The following DENND1A variants were observed in gnomAD, a reference collection of about 807,000 sequenced individuals.
The protein encoded by DENND1A is DENN domain-containing protein 1A.
A neutral mutation model predicts 113.7 loss-of-function variants in DENND1A; 51 were observed. The observed-to-expected ratio is 0.45, with a 90% CI of 0.36 to 0.57. DENND1A has a LOEUF of 0.57. DENND1A is among the 20% of genes least tolerant of loss of function. The pLI is 0.00. For synonymous variants in DENND1A, 565 were observed against 570.8 expected, an observed-to-expected ratio of 0.99 and a Z score of 0.14; for missense variants, 1,258 against 1,395.9, an observed-to-expected ratio of 0.90 and a Z score of 1.57.
chr9:123,651,704 C>G (rs910677485), intron 9 of DENND1A, among the ~76,000 whole-genome samples: 1 of 152,178 alleles, frequency 6.6e-6, no homozygotes. Context: ...AATAATGACA[C>G]ACCCGTATCA....
At chr9:123,530,962 T>A (rs1018301149) in intron 13 of DENND1A, among the ~76,000 whole-genome samples, 1 of 152,332 alleles carries the variant, frequency 6.6e-6, no homozygotes, top group Admixed American at 6.5e-5. Flanking sequence ...ATTTTTATGG[T>A]TGACCTTGAT....
At chr9:123,406,602 G>A (rs1191755542) in intron 20 of DENND1A, among the ~76,000 whole-genome samples, 3 of 152,218 alleles carry the variant, frequency 2.0e-5, no homozygotes, top group Admixed American at 6.5e-5. Flanking sequence ...ATGACGCTGC[G>A]AGTATCATCG....
At chr9:123,455,524 G>A (rs905859884) in intron 15 of DENND1A, among the ~76,000 whole-genome samples, 1 of 152,190 alleles carries the variant, frequency 6.6e-6, no homozygotes, top group African/African-American at 2.4e-5. Context: ...CAGCTCAGAT[G>A]TGATGTCCTC....
intron 5 of DENND1A, among the ~76,000 whole-genome samples, chr9:123,694,543 T>A (rs117878774): frequency 6.6e-6 from 1 of 152,212 alleles, no homozygotes; most frequent in Non-Finnish European, 1.5e-5. Flanking sequence ...TCTGTGCCCA[T>A]TGAATGGCAA....
intron 2 of DENND1A, among the ~76,000 whole-genome samples, chr9:123,839,519 C>G (rs1474553121): frequency 6.6e-6 from 1 of 152,110 alleles, no homozygotes; most frequent in South Asian, 2.1e-4. Context: ...TTACAGTTTC[C>G]GCGACAGACA....
intron 4 of DENND1A, among the ~76,000 whole-genome samples, chr9:123,761,768 C>A (rs1589977570): frequency 6.6e-6 from 1 of 152,156 alleles, no homozygotes; most frequent in African/African-American, 2.4e-5. Flanking sequence ...AAGAGGTTAA[C>A]TTAAAAGGGT....
chr9:123,402,900 C>T (rs868182035), intron 21 of DENND1A, among the ~76,000 whole-genome samples: 1 of 152,188 alleles, frequency 6.6e-6, no homozygotes, highest in Non-Finnish European at 1.5e-5. Context: ...GGGAGCTCCG[C>T]GTCTCAGGGA....
intron 2 of DENND1A, among the ~76,000 whole-genome samples, chr9:123,826,465 A>G (rs1839346997): frequency 6.6e-6 from 1 of 152,148 alleles, no homozygotes; most frequent in South Asian, 2.1e-4. Context: ...AAAGACTCCT[A>G]TAAGCCACCA....
chr9:123,533,100 A>G (rs1035681177), intron 13 of DENND1A, among the ~76,000 whole-genome samples: 3 of 152,210 alleles, frequency 2.0e-5, no homozygotes, highest in Admixed American at 6.5e-5. Flanking sequence ...GGCTTTCTCT[A>G]TCTCTGCTGT....
chr9:123,765,557 A>G (rs918264513), intron 4 of DENND1A, among the ~76,000 whole-genome samples: 1 of 152,168 alleles, frequency 6.6e-6, no homozygotes, highest in Non-Finnish European at 1.5e-5. Flanking sequence ...TGTGTGTGCC[A>G]GTATAATTTA....
Position 123,917,881 on chromosome 9 carries a change from C to T in DENND1A, c.17+12008G>A, listed in dbSNP as rs1211331801. 2.6e-5 allele frequency among the ~76,000 whole-genome samples: 4 copies of T among 152,028 alleles called. No homozygotes were observed. In the East Asian group the frequency reaches 5.8e-4, roughly 22 times the overall value. ...ATCTCAGCGCTTTGGGAGGCCGAGGCAGGCAGATCACAAGGTCAGGAGATC... is the reference window on the plus strand; with the variant it reads ...ATCTCAGCGCTTTGGGAGGCCGAGGTAGGCAGATCACAAGGTCAGGAGATC... On this transcript the variant is annotated intron_variant, in intron 1 of 23. Coordinates refer to ENST00000394215, the MANE Select transcript of DENND1A (RefSeq NM_001352964.2).
intron 13 of DENND1A, among the ~76,000 whole-genome samples, chr9:123,544,652 T>C (rs999028309): frequency 6.6e-6 from 1 of 152,246 alleles, no homozygotes; most frequent in Non-Finnish European, 1.5e-5. Flanking sequence ...GGGCTGTGCA[T>C]GCTCTCCACA....
At position 123,608,404 on chromosome 9, in the gene DENND1A, C is replaced by T. The variant is rs531047932; in HGVS notation, c.765+1032G>A. 3.9e-5 allele frequency among the ~76,000 whole-genome samples: 6 copies of T among 152,268 alleles called. No individual in the cohort carries two copies. The South Asian group carries it at 1.0e-3, about 26-fold the overall frequency. Reference sequence around the variant, plus strand: ...TCCTTCAAGACATGCAAAGCACCACCGCAGACGGACATGGCTGTAGATTTT... The same window carrying T: ...TCCTTCAAGACATGCAAAGCACCACTGCAGACGGACATGGCTGTAGATTTT... On this transcript the variant is annotated intron_variant, in intron 11 of 23. Transcript: ENST00000394215.
At chr9:123,907,365 T>C (rs541321699) in intron 1 of DENND1A, among the ~76,000 whole-genome samples, 165 of 151,864 alleles carry the variant, frequency 1.1e-3, no homozygotes, top group African/African-American at 3.7e-3. Context: ...CCAGGGCAAT[T>C]AGGCAGGAGA....
At chr9:123,679,022 G>A (rs1179979849) in intron 5 of DENND1A, among the ~76,000 whole-genome samples, 1 of 152,012 alleles carries the variant, frequency 6.6e-6, no homozygotes, top group East Asian at 1.9e-4. Context: ...ATTTGACCAA[G>A]GATTACAAAT....
chr9:123,381,276 T>A lies in DENND1A; in HGVS notation c.*156A>T. ...ATTCCCCAGGGCCAGACATCAGAGA[T>A]GGGCAGTGTGGAGGGGAGGAGGGGG... On this transcript the variant is annotated 3_prime_UTR_variant, in exon 24 of 24. Transcript: ENST00000394215. The surrounding 1 kb of genome is among the most constrained non-coding windows in gnomAD (Gnocchi z 4.7). 2.9e-6 allele frequency: 2 copies of A among 688,532 alleles called. No individual in the cohort carries two copies. Among genetic ancestry groups the A allele is most frequent in the Non-Finnish European group, 2.4e-6 (1 of 414,624 alleles). The allele number at this position is 688,532 out of a possible 1,614,324, so 42.7% of individuals were successfully genotyped here.
At chr9:123,663,377 C>T (rs906846625) in intron 8 of DENND1A, among the ~76,000 whole-genome samples, 1 of 152,022 alleles carries the variant, frequency 6.6e-6, no homozygotes, top group Admixed American at 6.6e-5. Flanking sequence ...ACTGCTATTT[C>T]AAATAGATGA....
chr9:123,413,839 C>G (rs991111509), intron 19 of DENND1A: 1 of 985,168 alleles, frequency 1.0e-6, no homozygotes, highest in Non-Finnish European at 1.2e-6. Flanking sequence ...CCCCCCACCC[C>G]TCAATTCACA....
At chr9:123,392,189 G>C (rs1487740847) in intron 21 of DENND1A, among the ~76,000 whole-genome samples, 2 of 152,178 alleles carry the variant, frequency 1.3e-5, no homozygotes, top group Non-Finnish European at 2.9e-5. Context: ...TGCCGCGCCG[G>C]GATCGCACCG....
Sources: allele counts gnomAD v4.1 joint callset (sites outside exome capture counted in the v4.1 genomes callset), GRCh38; gene constraint gnomAD v4.1.1; non-coding constraint Gnocchi (gnomAD v3.1); transcripts MANE v1.5; gene names NCBI Gene and HGNC (gene_info 2026-07-23, HGNC 2026-07-21).